Variants in HNF1B observed in about 807,000 individuals in gnomAD.
The protein encoded by HNF1B is hepatocyte nuclear factor 1-beta.
Under a neutral mutation model 61.7 loss-of-function variants are expected in HNF1B, and 8 were observed. The observed-to-expected ratio is 0.13, with a 90% CI of 0.08 to 0.23. The LOEUF is 0.23. Ranked by LOEUF, HNF1B falls within the 10% of genes least tolerant of loss-of-function variation. The pLI, the probability that HNF1B is intolerant of heterozygous loss-of-function variation, is 1.00. For synonymous variants in HNF1B, 314 were observed against 287.7 expected, an observed-to-expected ratio of 1.09 and a Z score of -0.93; for missense variants, 562 against 714.5, an observed-to-expected ratio of 0.79 and a Z score of 2.43.
chr17:37,705,096 C>T, intron 5 of HNF1B, 47 bp from the exon 6 acceptor site: 1 of 1,585,246 alleles, frequency 6.3e-7, no homozygotes, highest in Non-Finnish European at 8.6e-7. Context: ...ACTTGGACCA[C>T]AAAGAGCAGT....
chr17:37,742,503 C>G (rs2034023788), intron 1 of HNF1B, among the ~76,000 whole-genome samples: 1 of 152,198 alleles, frequency 6.6e-6, no homozygotes, highest in African/African-American at 2.4e-5. Context: ...GTGCAGTGAC[C>G]TAGGAACCGC....
At chr17:37,742,890 G>A (rs2034039674) in intron 1 of HNF1B, among the ~76,000 whole-genome samples, 1 of 151,328 alleles carries the variant, frequency 6.6e-6, no homozygotes, top group Non-Finnish European at 1.5e-5. Flanking sequence ...GCGGCGAGCA[G>A]CCCCGCGCCC....
At chr17:37,692,522 G>C (rs575252156) in intron 8 of HNF1B, among the ~76,000 whole-genome samples, 1 of 152,178 alleles carries the variant, frequency 6.6e-6, no homozygotes, top group South Asian at 2.1e-4. Context: ...TGGGTAAGAG[G>C]GTTCTCCAGG....
intron 2 of HNF1B, among the ~76,000 whole-genome samples, chr17:37,737,421 AG>A (rs2033863416): frequency 6.6e-6 from 1 of 152,208 alleles, no homozygotes; most frequent in African/African-American, 2.4e-5. Context: ...CCTGGAGAAA[AG>A]AACCTATGTA....
intron 8 of HNF1B, among the ~76,000 whole-genome samples, chr17:37,695,981 G>A (rs1345859356): frequency 6.6e-6 from 1 of 152,206 alleles, no homozygotes; most frequent in Non-Finnish European, 1.5e-5. Context: ...AAGGACATGA[G>A]ATTTGGGAGG....
chr17:37,713,845 A>G (rs2033017281), intron 4 of HNF1B, among the ~76,000 whole-genome samples: 1 of 152,204 alleles, frequency 6.6e-6, no homozygotes, highest in African/African-American at 2.4e-5. Flanking sequence ...GGCCCCTGAG[A>G]GGGTGGCTGT....
At chr17:37,717,078 T>C (rs1351396716) in intron 4 of HNF1B, among the ~76,000 whole-genome samples, 2 of 152,190 alleles carry the variant, frequency 1.3e-5, no homozygotes, top group East Asian at 1.9e-4. Context: ...CCAGAATTGT[T>C]CTTTTAGTAA....
At chr17:37,718,072 TA>T (rs1490971144) in intron 4 of HNF1B, among the ~76,000 whole-genome samples, 1 of 151,040 alleles carries the variant, frequency 6.6e-6, no homozygotes, top group African/African-American at 2.4e-5. Flanking sequence ...ACTCAAGGAG[TA>T]AAAGTTGAGT....
At chr17:37,724,863 G>A (rs1393642791) in intron 4 of HNF1B, among the ~76,000 whole-genome samples, 1 of 151,780 alleles carries the variant, frequency 6.6e-6, no homozygotes, top group African/African-American at 2.4e-5. Flanking sequence ...CTTTATTTGT[G>A]GGCTGCATTC....
intron 4 of HNF1B, chr17:37,731,335 A>G (rs2033674606): frequency 1.6e-6 from 1 of 606,112 alleles, no homozygotes; most frequent in African/African-American, 1.8e-5. Context: ...AGGGAGAAGA[A>G]GAGGGAAGGA....
rs3216929 is a variant in HNF1B, at chr17:37,733,870, G to GCAGA, written c.545-53_545-50dup. The GCAGA allele has an allele frequency of 1.8e-3, 2,757 of 1,538,804 alleles. 6 individuals are homozygous for GCAGA. The highest frequency in any genetic ancestry group is 3.8e-3 in the South Asian group (341 of 89,548). ...TGATAGGGTCTGTAGCCTTCACTCA[G>GCAGA]CAGACAGACAGACAGACAGACAGAC... On this transcript the variant is annotated intron_variant, in intron 2 of 8. Transcript: ENST00000617811.
intron 4 of HNF1B, among the ~76,000 whole-genome samples, chr17:37,718,570 G>A (rs899624066): frequency 6.6e-6 from 1 of 152,212 alleles, no homozygotes; most frequent in Non-Finnish European, 1.5e-5. Flanking sequence ...CAAGTCCGTG[G>A]TATTCCAAAG....
intron 7 of HNF1B, 76 bp downstream of exon 7, chr17:37,700,907 T>A (rs1040315225): frequency 7.3e-6 from 10 of 1,374,318 alleles, no homozygotes; most frequent in Non-Finnish European, 9.0e-6. Flanking sequence ...CCGAGAAAGT[T>A]CAGACCCAGA....
chr17:37,734,579 C>T (rs546572056), intron 2 of HNF1B, among the ~76,000 whole-genome samples: 1 of 152,194 alleles, frequency 6.6e-6, no homozygotes, highest in East Asian at 1.9e-4. Flanking sequence ...ATGCCTTAGC[C>T]CACATGGTTT....
chr17:37,728,376 T>C (rs555493443), intron 4 of HNF1B, among the ~76,000 whole-genome samples: 1 of 151,076 alleles, frequency 6.6e-6, no homozygotes, highest in Non-Finnish European at 1.5e-5. Flanking sequence ...GCGTGATCTC[T>C]GCTCCCTGCA....
chr17:37,712,034 A>T (rs1369185949), intron 4 of HNF1B, among the ~76,000 whole-genome samples: 2 of 152,212 alleles, frequency 1.3e-5, no homozygotes, highest in Non-Finnish European at 2.9e-5. Context: ...TTTTCCTTGG[A>T]TCTTCCTAAG....
Position 37,701,326 on chromosome 17 carries a change from G to A in HNF1B, c.1340-149C>T, listed in dbSNP as rs185292780. 1.5e-4 allele frequency: 110 copies of A among 754,636 alleles called. 2 individuals carry two copies. The highest frequency in any genetic ancestry group is 9.4e-4 in the East Asian group (35 of 37,328). The allele number at this position is 754,636 out of a possible 1,614,324, so 46.7% of individuals were successfully genotyped here. A position where few individuals can be genotyped will look rare whatever the true frequency, so the allele number is the denominator to read the frequency against. On this transcript the variant is annotated intron_variant, in intron 6 of 8. Coordinates refer to ENST00000617811, the MANE Select transcript of HNF1B (RefSeq NM_000458.4). ...CCATGGGAGGCAAGTGTAAAGAAACGGAGACTTGGAGATATTAATTTACTT... is the reference window on the plus strand; with the variant it reads ...CCATGGGAGGCAAGTGTAAAGAAACAGAGACTTGGAGATATTAATTTACTT...
At chr17:37,729,860 A>AT (rs1355499591) in intron 4 of HNF1B, 2 of 145,720 alleles carry the variant, frequency 1.4e-5, no homozygotes, top group Non-Finnish European at 1.5e-5. Context: ...ACATTACAAG[A>AT]TTTTTAGAAA....
intron 4 of HNF1B, among the ~76,000 whole-genome samples, chr17:37,726,227 A>C (rs2033492712): frequency 6.6e-6 from 1 of 152,214 alleles, no homozygotes; most frequent in Non-Finnish European, 1.5e-5. Flanking sequence ...TAAAGCAAAA[A>C]GAGATGGACA....
Sources: gnomAD v4.1 joint callset for allele counts (sites outside exome capture counted in the v4.1 genomes callset) on GRCh38, gnomAD v4.1.1 for gene constraint, MANE v1.5 for transcripts, NCBI Gene and HGNC (gene_info 2026-07-23, HGNC 2026-07-21) for gene names.